The following GCH1 variants were observed in gnomAD, a reference collection of about 807,000 sequenced individuals.
The protein encoded by GCH1 is GTP cyclohydrolase 1, also known as GTP cyclohydrolase I.
Under a neutral mutation model 25.9 loss-of-function variants are expected in GCH1, and 5 were observed. That is an observed-to-expected ratio of 0.19 (90% CI 0.10 to 0.41). The LOEUF (loss-of-function observed/expected upper bound fraction) is 0.41, where lower values mean the gene tolerates loss of function less well. GCH1 is among the 10% of genes least tolerant of loss of function. The pLI is 1.00. For missense variants in GCH1, 261 were observed against 336.5 expected, an observed-to-expected ratio of 0.78 and a Z score of 1.75; for synonymous variants, 159 against 129.6, an observed-to-expected ratio of 1.23 and a Z score of -1.54.
Position 54,858,726 on chromosome 14 carries a change from C to T in GCH1, c.509+955G>A, listed in dbSNP as rs2039851489. ...TTGTTCTTAACTTTCTCTCTCTCTC[C>T]ACACACACACACACCTCCCAGTATT... is the stretch of plus-strand genomic sequence containing the variant. On this transcript the variant is annotated intron_variant, in intron 3 of 5. Transcript: ENST00000491895. Among the ~76,000 whole-genome samples, 4 of 151,110 alleles carry T rather than the reference C, an allele frequency of 2.6e-5. No homozygotes were observed. In the South Asian group the frequency reaches 8.4e-4, roughly 32 times the overall value.
chr14:54,875,244 T>C (rs1238272095), intron 1 of GCH1, among the ~76,000 whole-genome samples: 1 of 152,186 alleles, frequency 6.6e-6, no homozygotes, highest in South Asian at 2.1e-4. Flanking sequence ...GTTTAATAAA[T>C]GGTGCTGGAA....
chr14:54,864,312 T>A (rs530724836), intron 2 of GCH1, among the ~76,000 whole-genome samples: 32 of 152,348 alleles, frequency 2.1e-4, no homozygotes, highest in African/African-American at 6.7e-4. Flanking sequence ...CTTTAGTTGA[T>A]GGGTATATAA....
At chr14:54,852,688 T>A (rs982889668) in intron 3 of GCH1, among the ~76,000 whole-genome samples, 1 of 152,244 alleles carries the variant, frequency 6.6e-6, no homozygotes, top group South Asian at 2.1e-4. Flanking sequence ...AGGACTGTTA[T>A]ATGCCACTTT....
Position 54,902,397 on chromosome 14 carries a change from T to C in GCH1, c.267A>G (p.Gln89=). The change falls in exon 1 of 6, where the codon CAA becomes CAG. Residue 89 remains glutamine, a synonymous_variant. Coordinates refer to ENST00000491895, the MANE Select transcript of GCH1 (RefSeq NM_000161.3). ...CCCTCCAGGGCGTCTTGAGCAGCCC[T>C]TGCCGCTGGGGGTTCTCGCCCAGCG... The part of the protein sequence containing the change: ...LSSLGENPQR[Q]GLLKTPWRAA... The C allele has an allele frequency of 3.7e-6, 6 of 1,613,148 alleles. No homozygotes were observed. The highest frequency in any genetic ancestry group is 5.1e-6 in the Non-Finnish European group (6 of 1,179,820).
intron 3 of GCH1, among the ~76,000 whole-genome samples, chr14:54,849,397 T>C (rs2039691433): frequency 6.6e-6 from 1 of 152,232 alleles, no homozygotes; most frequent in South Asian, 2.1e-4. Flanking sequence ...TGAGAGGTAT[T>C]TGCTGGGAAC....
intron 1 of GCH1, among the ~76,000 whole-genome samples, chr14:54,868,911 A>T (rs1484014647): frequency 1.3e-5 from 2 of 150,878 alleles, no homozygotes; most frequent in East Asian, 3.9e-4. Flanking sequence ...TATTATTATT[A>T]TTATTATTTT....
At chr14:54,858,683 T>C (rs2039850832) in intron 3 of GCH1, among the ~76,000 whole-genome samples, 1 of 151,952 alleles carries the variant, frequency 6.6e-6, no homozygotes, top group African/African-American at 2.4e-5. Flanking sequence ...TAGGAACACT[T>C]TACCCGACCC....
At chr14:54,850,825 T>C (rs1006974890) in intron 3 of GCH1, among the ~76,000 whole-genome samples, 3 of 152,252 alleles carry the variant, frequency 2.0e-5, no homozygotes, top group Non-Finnish European at 4.4e-5. Flanking sequence ...TTGTTATGGC[T>C]GCATAGTATT....
At chr14:54,855,309 C>T (rs573519114) in intron 3 of GCH1, among the ~76,000 whole-genome samples, 3 of 151,926 alleles carry the variant, frequency 2.0e-5, no homozygotes, top group African/African-American at 7.3e-5. Context: ...AGTTCAAGAC[C>T]AGTCTTGCCA....
At chr14:54,855,504 T>TAAAAAAAAAA (rs2039795792) in intron 3 of GCH1, among the ~76,000 whole-genome samples, 1 of 36,362 alleles carries the variant, frequency 2.8e-5, no homozygotes, top group East Asian at 9.7e-4. Flanking sequence ...AGACCCTGTC[T>TAAAAAAAAAA]CAAAAAAAAA....
At chr14:54,895,941 A>C (rs758068390) in intron 1 of GCH1, among the ~76,000 whole-genome samples, 4 of 152,182 alleles carry the variant, frequency 2.6e-5, no homozygotes, top group Non-Finnish European at 5.9e-5. Flanking sequence ...TACACACTGG[A>C]AAGTAGGGAA....
In GCH1 at chr14:54,902,796, T is replaced by G. The variant is rs953160874; in HGVS notation, c.-133A>C. The G allele has an allele frequency of 1.7e-6, 2 of 1,172,836 alleles. No homozygotes were observed. Among genetic ancestry groups the G allele is most frequent in the Middle Eastern group, 3.1e-4 (1 of 3,250 alleles). The allele number at this position is 1,172,836 out of a possible 1,614,324, so 72.7% of individuals were successfully genotyped here. A position where few individuals can be genotyped will look rare whatever the true frequency, so the allele number is the denominator to read the frequency against. Reference sequence around the variant, plus strand: ...GAGGAAGGTACGCAACCTGCTTAGATCACACTCCGAGCCGGGAGCGGCCAC... The same window carrying G: ...GAGGAAGGTACGCAACCTGCTTAGAGCACACTCCGAGCCGGGAGCGGCCAC... On this transcript the variant is annotated 5_prime_UTR_variant, in exon 1 of 6. Coordinates refer to ENST00000491895, the MANE Select transcript of GCH1 (RefSeq NM_000161.3).
rs886050553 is a variant in GCH1 at position 54,902,769 on chromosome 14, C to T, written c.-106G>A. ...GACAATGGGCTGTGGCCGGAGTCAC[C>T]TGAGGAAGGTACGCAACCTGCTTAG... On this transcript the variant is annotated 5_prime_UTR_variant, in exon 1 of 6. Transcript: ENST00000491895. 21 of 1,343,772 alleles carry T rather than the reference C, an allele frequency of 1.6e-5. No homozygotes were observed. The Admixed American group carries it at 5.7e-4, about 36-fold the overall frequency. The allele number at this position is 1,343,772 out of a possible 1,614,324, so 83.2% of individuals were successfully genotyped here.
intron 1 of GCH1, among the ~76,000 whole-genome samples, chr14:54,880,677 CCATATATATATACT>C (rs1433889598): frequency 1.9e-3 from 6 of 3,090 alleles, no homozygotes; most frequent in Non-Finnish European, 4.3e-3. Context: ...TATATATACT[CCATATATATATACT>C]CATATATATA....
At chr14:54,893,302 C>G (rs1158819531) in intron 1 of GCH1, among the ~76,000 whole-genome samples, 1 of 152,152 alleles carries the variant, frequency 6.6e-6, no homozygotes, top group African/African-American at 2.4e-5. Flanking sequence ...TTCACATAAT[C>G]CAGGATTCAT....
intron 1 of GCH1, among the ~76,000 whole-genome samples, chr14:54,897,161 C>G (rs1595025509): frequency 1.3e-5 from 2 of 151,004 alleles, no homozygotes; most frequent in African/African-American, 4.9e-5. Flanking sequence ...AGGCACGCAC[C>G]ACCACACCCA....
At chr14:54,858,725 C>CCA (rs199807806) in intron 3 of GCH1, among the ~76,000 whole-genome samples, 10 of 151,112 alleles carry the variant, frequency 6.6e-5, no homozygotes, top group East Asian at 3.9e-4. Context: ...CTCTCTCTCT[C>CCA]CACACACACA....
At chr14:54,885,155 G>T in intron 1 of GCH1, 1 of 256,516 alleles carries the variant, frequency 3.9e-6, no homozygotes, top group Non-Finnish European at 8.0e-6. Flanking sequence ...AAGAGGTCAA[G>T]GTAATCATCC....
At chr14:54,861,217 G>C (rs139706234) in intron 2 of GCH1, among the ~76,000 whole-genome samples, 163 of 152,218 alleles carry the variant, frequency 1.1e-3, no homozygotes, top group African/African-American at 3.6e-3. Flanking sequence ...TTAGGAATTT[G>C]AGAAGTCCAC....
Sources: gnomAD v4.1 joint callset for allele counts (sites outside exome capture counted in the v4.1 genomes callset) on GRCh38, gnomAD v4.1.1 for gene constraint, MANE v1.5 for transcripts, NCBI Gene and HGNC (gene_info 2026-07-23, HGNC 2026-07-21) for gene names.